Variants in EHHADH observed in about 807,000 individuals in gnomAD.
EHHADH encodes enoyl-CoA hydratase and 3-hydroxyacyl CoA dehydrogenase, also known as peroxisomal bifunctional enzyme.
A neutral mutation model predicts 64.4 loss-of-function variants in EHHADH; 48 were observed. The observed-to-expected ratio is 0.75, with a 90% CI of 0.59 to 0.95. The LOEUF is 0.95. Ranked by LOEUF, EHHADH falls within the 40% of genes least tolerant of loss-of-function variation. The probability of loss-of-function intolerance (pLI) is 0.00; values close to 1 mark genes in which losing one functional copy is unlikely to be tolerated. For missense variants in EHHADH, 854 were observed against 876.6 expected (o/e 0.97, Z 0.33); for synonymous variants, 308 against 326.7 (o/e 0.94, Z 0.62).
chr3:185,219,556 G>A (rs1386100137), intron 4 of EHHADH, among the ~76,000 whole-genome samples: 3 of 152,184 alleles, frequency 2.0e-5, no homozygotes, highest in Admixed American at 6.5e-5. Context: ...TCCTAAATTT[G>A]CCTTGACAGT....
At chr3:185,197,025 A>C (rs542655592) in intron 6 of EHHADH, among the ~76,000 whole-genome samples, 2 of 151,750 alleles carry the variant, frequency 1.3e-5, no homozygotes, top group South Asian at 4.2e-4. Context: ...AAAAAGCCAG[A>C]CACAAAAGGC....
At chr3:185,202,770 C>T (rs1718264926) in intron 6 of EHHADH, among the ~76,000 whole-genome samples, 1 of 152,160 alleles carries the variant, frequency 6.6e-6, no homozygotes, top group Admixed American at 6.5e-5. Context: ...CATCCCAAAA[C>T]CATCATCCCC....
intron 3 of EHHADH, 50 bp from the exon 4 acceptor site, chr3:185,229,593 A>T: frequency 8.4e-7 from 1 of 1,190,304 alleles, no homozygotes; most frequent in South Asian, 2.2e-5. Flanking sequence ...TGGTATGTTC[A>T]GAGTTAAGGC....
intron 5 of EHHADH, among the ~76,000 whole-genome samples, chr3:185,204,991 G>A (rs1374759795): frequency 6.6e-6 from 1 of 151,690 alleles, no homozygotes; most frequent in Non-Finnish European, 1.5e-5. Context: ...CCTAGTTTAG[G>A]CATAAAAGTT....
rs993205330 is a variant in EHHADH, at chr3:185,193,120, G to C, written c.1278C>G (p.His426Gln). 6.2e-7 allele frequency: 1 copy of C among 1,613,462 alleles called. No homozygotes were observed. The highest frequency in any genetic ancestry group is 1.7e-5 in the Admixed American group (1 of 59,936). ...DEIASSTDRPHLVIGTHFFSP... is the reference protein window; with the variant it reads ...DEIASSTDRPQLVIGTHFFSP... ...AAAAGAAGTGGGTGCCAATGACCAA[G>C]TGAGGACGATCAGTGGAAGAAGCAA... Residue 426 changes from histidine (H) to glutamine (Q), a missense_variant, in exon 7 of 7, where the codon CAC becomes CAG. His to Gln is a conservative substitution (Grantham distance 24, BLOSUM62 0). Coordinates refer to ENST00000231887, the MANE Select transcript of EHHADH (RefSeq NM_001966.4).
chr3:185,228,257 A>AATATATATATATATATATAT (rs1235531098), intron 4 of EHHADH, among the ~76,000 whole-genome samples: 6 of 22,000 alleles, frequency 2.7e-4, no homozygotes, highest in African/African-American at 5.9e-4. Context: ...AAAAAAAAAA[A>AATATATATATATATATATAT]ATATATATAT....
intron 4 of EHHADH, among the ~76,000 whole-genome samples, chr3:185,228,287 G>T (rs1442899711): frequency 8.3e-6 from 1 of 120,910 alleles, no homozygotes; most frequent in Non-Finnish European, 1.7e-5. Flanking sequence ...TATGGAGAGA[G>T]AGAGAGAGAG....
intron 5 of EHHADH, among the ~76,000 whole-genome samples, chr3:185,212,736 C>A (rs545453267): frequency 6.6e-6 from 1 of 152,100 alleles, no homozygotes; most frequent in African/African-American, 2.4e-5. Context: ...GTGTATAGTT[C>A]AGTGTTTTTC....
At chr3:185,226,845 T>TCTCA (rs1012052991) in intron 4 of EHHADH, 1 of 152,132 alleles carries the variant, frequency 6.6e-6, no homozygotes, top group African/African-American at 2.4e-5. Context: ...CTGAGAGTCA[T>TCTCA]CTCACTTTGA....
intron 4 of EHHADH, among the ~76,000 whole-genome samples, chr3:185,224,293 G>A (rs989364145): frequency 3.3e-5 from 5 of 151,620 alleles, no homozygotes; most frequent in South Asian, 4.2e-4. Context: ...TGAGGTCGGC[G>A]GTTTGAGACC....
At chr3:185,229,378 C>T in intron 4 of EHHADH, 54 bp downstream of exon 4, 1 of 1,178,028 alleles carries the variant, frequency 8.5e-7, no homozygotes, top group Non-Finnish European at 1.1e-6. Context: ...TTTCTAAATC[C>T]TAGTCCAATT....
intron 4 of EHHADH, among the ~76,000 whole-genome samples, chr3:185,222,825 T>C (rs1300698217): frequency 6.6e-6 from 1 of 152,238 alleles, no homozygotes; most frequent in African/African-American, 2.4e-5. Context: ...AAATATTACA[T>C]AGCATCCTAG....
At chr3:185,204,351 AAGCAAATGGTAGCACATTACATG>A in intron 6 of EHHADH, 42 bp downstream of exon 6, 1 of 1,443,426 alleles carries the variant, frequency 6.9e-7, no homozygotes, top group Non-Finnish European at 9.3e-7. Context: ...CGGTAGCCCT[AAGCAAATGGTAGCACATTACATG>A]AGCAGATTTG....
intron 1 of EHHADH, among the ~76,000 whole-genome samples, chr3:185,252,370 A>G (rs994438553): frequency 5.3e-5 from 8 of 151,990 alleles, no homozygotes; most frequent in Non-Finnish European, 7.4e-5. Context: ...ACTGCACTCC[A>G]GCCTGGCGAC....
intron 2 of EHHADH, among the ~76,000 whole-genome samples, chr3:185,243,854 T>C (rs1220240907): frequency 1.3e-5 from 2 of 152,216 alleles, no homozygotes; most frequent in East Asian, 3.8e-4. Flanking sequence ...TATAAGTGTG[T>C]CTATTAGGTC....
At chr3:185,253,676 A>G in intron 1 of EHHADH, 2 of 593,548 alleles carry the variant, frequency 3.4e-6, no homozygotes, top group Non-Finnish European at 4.9e-6. Flanking sequence ...CTAAGTGTTG[A>G]TCTGTCTCAG....
At chr3:185,241,931 G>A (rs1478688579) in intron 2 of EHHADH, among the ~76,000 whole-genome samples, 1 of 152,076 alleles carries the variant, frequency 6.6e-6, no homozygotes, top group East Asian at 1.9e-4. Flanking sequence ...ATAGTTTCAG[G>A]TTTTATATTT....
intron 4 of EHHADH, among the ~76,000 whole-genome samples, chr3:185,224,611 G>A (rs1718925241): frequency 6.6e-6 from 1 of 151,472 alleles, no homozygotes; most frequent in Non-Finnish European, 1.5e-5. Flanking sequence ...TATTACTGCT[G>A]TAACAAATTA....
At chr3:185,219,999 T>C (rs1291148631) in intron 4 of EHHADH, among the ~76,000 whole-genome samples, 1 of 152,182 alleles carries the variant, frequency 6.6e-6, no homozygotes, top group African/African-American at 2.4e-5. Flanking sequence ...AAATGGTTTC[T>C]GTACATAAGT....
Sources: allele counts gnomAD v4.1 joint callset (sites outside exome capture counted in the v4.1 genomes callset), GRCh38; gene constraint gnomAD v4.1.1; transcripts MANE v1.5; gene names NCBI Gene and HGNC (gene_info 2026-07-23, HGNC 2026-07-21).